NAV2: variants seen among roughly 807,000 people sequenced by gnomAD.
NAV2 encodes helicase, APC down-regulated 1.
NAV2 carries 54 observed loss-of-function variants against 223.2 expected under a neutral mutation model. The ratio of observed to expected loss-of-function variants is 0.24; its 90% CI spans 0.19 to 0.30. The LOEUF (loss-of-function observed/expected upper bound fraction) is 0.30, where lower values mean the gene tolerates loss of function less well. Ranked by LOEUF, NAV2 falls within the 10% of genes least tolerant of loss-of-function variation. The pLI is 1.00. For synonymous variants in NAV2, 1,279 were observed against 1,239.3 expected (o/e 1.03, Z -0.67); for missense variants, 2,806 against 3,147.5 (o/e 0.89, Z 2.60).
chr11:20,012,130 C>G (rs1266013081), intron 11 of NAV2, among the ~76,000 whole-genome samples: 1 of 152,174 alleles, frequency 6.6e-6, no homozygotes, highest in East Asian at 1.9e-4. Context: ...AGAAAGTTGG[C>G]TGAAGAATGG....
intron 1 of NAV2, among the ~76,000 whole-genome samples, chr11:19,555,448 G>A (rs954965897): frequency 6.6e-6 from 1 of 152,080 alleles, no homozygotes; most frequent in African/African-American, 2.4e-5. Context: ...CCCAGACCTG[G>A]GGGGGGCTCT....
At chr11:19,647,317 C>G (rs1283744202) in intron 1 of NAV2, among the ~76,000 whole-genome samples, 3 of 152,126 alleles carry the variant, frequency 2.0e-5, no homozygotes, top group Admixed American at 6.6e-5. Context: ...GTGGAGTAGT[C>G]CTCAGATCAT....
At chr11:19,553,350 G>A (rs1316896954) in intron 1 of NAV2, among the ~76,000 whole-genome samples, 12 of 152,310 alleles carry the variant, frequency 7.9e-5, no homozygotes, top group African/African-American at 2.4e-4. Flanking sequence ...GAAGTCAGGG[G>A]AAATGTGCGG....
At chr11:19,656,966 G>A (rs551645712) in intron 1 of NAV2, among the ~76,000 whole-genome samples, 2 of 152,284 alleles carry the variant, frequency 1.3e-5, no homozygotes, top group East Asian at 3.9e-4. Context: ...TTACTCAGGT[G>A]GATACACTGG....
At chr11:19,930,633 G>A (rs938187981) in intron 6 of NAV2, among the ~76,000 whole-genome samples, 7 of 152,194 alleles carry the variant, frequency 4.6e-5, no homozygotes, top group Admixed American at 3.3e-4. Flanking sequence ...TTTTTTCATC[G>A]ATGGATCCCA....
chr11:19,736,215 A>G (rs576035280), intron 1 of NAV2, among the ~76,000 whole-genome samples: 9 of 152,338 alleles, frequency 5.9e-5, no homozygotes, highest in African/African-American at 2.2e-4. Context: ...ATGTTTTTAC[A>G]AACAAAAAAA....
At chr11:19,350,821 G>C (rs117533054) in exon 1 of NAV2, 21,579 of 812,472 alleles carry the variant, frequency 0.027, 395 homozygotes, top group Middle Eastern at 0.035. Context: ...CCTTTGAAGA[G>C]GTGGTGCTGA....
intron 1 of NAV2, among the ~76,000 whole-genome samples, chr11:19,355,537 C>T (rs1173156759): frequency 2.0e-5 from 3 of 152,132 alleles, no homozygotes; most frequent in Non-Finnish European, 2.9e-5. Flanking sequence ...CCAATTTCCT[C>T]GTCACTTGGG....
intron 1 of NAV2, among the ~76,000 whole-genome samples, chr11:19,719,011 T>C (rs2050539923): frequency 3.3e-5 from 5 of 152,210 alleles, no homozygotes; most frequent in African/African-American, 1.2e-4. Flanking sequence ...TCTTCCTCTG[T>C]GACCAAGATC....
At position 20,095,735 on chromosome 11, in the gene NAV2, G is replaced by T. The variant is rs769603709; in HGVS notation, c.5980G>T (p.Val1994Leu). Residue 1994 changes from valine to leucine, a missense_variant, in exon 30 of 38, where the codon GTG becomes TTG. By Grantham distance (32) the Val-to-Leu change is conservative. This residue lies in a region of NAV2 where 824 missense variants were observed against 1,069.4 expected (regional missense o/e 0.77). Transcript: ENST00000349880. ...IGVSGKTKWD[V>L]LDGVVRRLFK... ...AGTTAGTGGCAAGACGAAGTGGGAT[G>T]TGCTCGATGGGGTGGTTAGACGGCT... 1.2e-6 allele frequency: 2 copies of T among 1,613,970 alleles called. No individual in the cohort carries two copies. The highest frequency in any genetic ancestry group is 1.7e-6 in the Non-Finnish European group (2 of 1,179,956).
intron 1 of NAV2, among the ~76,000 whole-genome samples, chr11:19,353,998 C>A (rs191838432): frequency 2.5e-4 from 38 of 152,256 alleles, no homozygotes; most frequent in African/African-American, 8.9e-4. Flanking sequence ...CAAATCATGC[C>A]TTCTAGTCAC....
intron 3 of NAV2, among the ~76,000 whole-genome samples, chr11:19,845,385 T>A (rs1202153235): frequency 6.6e-6 from 1 of 152,104 alleles, no homozygotes; most frequent in Non-Finnish European, 1.5e-5. Context: ...AGAAGGAAGA[T>A]GACACACAAT....
chr11:19,762,076 C>T (rs752665839), intron 1 of NAV2, among the ~76,000 whole-genome samples: 1 of 152,160 alleles, frequency 6.6e-6, no homozygotes, highest in African/African-American at 2.4e-5. Flanking sequence ...AACCTCGTCT[C>T]TACTAAAAAT....
chr11:19,699,917 A>G (rs985522426), intron 1 of NAV2, among the ~76,000 whole-genome samples: 2 of 152,194 alleles, frequency 1.3e-5, no homozygotes, highest in Non-Finnish European at 2.9e-5. Context: ...CTGCACATAC[A>G]GATCCCTTAC....
intron 1 of NAV2, among the ~76,000 whole-genome samples, chr11:19,789,329 A>T (rs1018802659): frequency 1.3e-5 from 2 of 152,220 alleles, no homozygotes; most frequent in African/African-American, 4.8e-5. Context: ...TAATGAAAAT[A>T]AACAGATTTT....
At chr11:19,799,261 G>T (rs765718831) in intron 1 of NAV2, among the ~76,000 whole-genome samples, 3 of 152,202 alleles carry the variant, frequency 2.0e-5, no homozygotes, top group South Asian at 2.1e-4. Context: ...CTGGGCCACA[G>T]GTGGGGAACT....
At chr11:19,460,786 A>AT (rs1852130432) in intron 1 of NAV2, among the ~76,000 whole-genome samples, 1 of 152,152 alleles carries the variant, frequency 6.6e-6, no homozygotes, top group Non-Finnish European at 1.5e-5. Flanking sequence ...TTAAAGTATA[A>AT]TAAAAAAAAA....
chr11:19,422,845 T>C (rs1175646194), intron 1 of NAV2, among the ~76,000 whole-genome samples: 1 of 152,216 alleles, frequency 6.6e-6, no homozygotes, highest in Non-Finnish European at 1.5e-5. Flanking sequence ...ATCCATTGAT[T>C]CAAGAGGCAT....
chr11:19,996,585 CAG>C (rs1178067177), intron 11 of NAV2, among the ~76,000 whole-genome samples: 1 of 152,212 alleles, frequency 6.6e-6, no homozygotes, highest in Non-Finnish European at 1.5e-5. Flanking sequence ...GCTGAGGCTT[CAG>C]AGTTTCCCCT....
Sources: allele counts gnomAD v4.1 joint callset (sites outside exome capture counted in the v4.1 genomes callset), GRCh38; gene constraint gnomAD v4.1.1; regional missense constraint gnomAD v4.1.1; transcripts MANE v1.5; gene names NCBI Gene and HGNC (gene_info 2026-07-23, HGNC 2026-07-21).